The following SPAST variants were observed in gnomAD, a reference collection of about 807,000 sequenced individuals.
SPAST encodes spastic paraplegia 4 (autosomal dominant; spastin).
SPAST carries 30 observed loss-of-function variants against 76.6 expected under a neutral mutation model. The observed-to-expected ratio is 0.39, with a 90% CI of 0.29 to 0.53. The LOEUF is 0.53. SPAST is among the 20% of genes least tolerant of loss of function. SPAST has a pLI of 0.68. For synonymous variants in SPAST, 305 were observed against 281.0 expected, an observed-to-expected ratio of 1.09 and a Z score of -0.86; for missense variants, 717 against 770.5, an observed-to-expected ratio of 0.93 and a Z score of 0.82.
intron 1 of SPAST, among the ~76,000 whole-genome samples, chr2:32,066,941 T>C (rs1676535756): frequency 8.5e-6 from 1 of 117,508 alleles, no homozygotes; most frequent in Non-Finnish European, 1.6e-5. Flanking sequence ...GCAACTGCAC[T>C]CCGAACTGGG....
chr2:32,141,822 T>C, intron 12 of SPAST, 82 bp from the exon 13 acceptor site: 2 of 1,111,328 alleles, frequency 1.8e-6, no homozygotes, highest in South Asian at 2.7e-5. Flanking sequence ...AATATTATAT[T>C]TTAAAAGCTT....
chr2:32,102,963 G>A (rs1362141257), intron 4 of SPAST, among the ~76,000 whole-genome samples: 1 of 152,172 alleles, frequency 6.6e-6, no homozygotes, highest in Non-Finnish European at 1.5e-5. Context: ...TTTGGTATCA[G>A]GATGATGCTG....
chr2:32,105,680 C>G (rs1374929704), intron 4 of SPAST, among the ~76,000 whole-genome samples: 2 of 152,172 alleles, frequency 1.3e-5, no homozygotes, highest in Non-Finnish European at 2.9e-5. Context: ...CCTTCTAACA[C>G]TCAGGACCCT....
chr2:32,139,209 T>G (rs1439292689), intron 12 of SPAST, among the ~76,000 whole-genome samples: 2 of 152,192 alleles, frequency 1.3e-5, no homozygotes, highest in Non-Finnish European at 2.9e-5. Flanking sequence ...ATTGATAGTT[T>G]GATAGAAATA....
chr2:32,087,529 A>G lies in SPAST; in HGVS notation c.453A>G (p.Lys151=), dbSNP rs1339023475. The G allele has an allele frequency of 6.2e-7, 1 of 1,609,464 alleles. No homozygotes were observed. The highest frequency in any genetic ancestry group is 8.5e-7 in the Non-Finnish European group (1 of 1,176,546). ...AGCAAGCTGTGGAATGGTATAAGAA[A>G]GGTATTGAAGAACTGGAAAAAGGAA... ...QKEQAVEWYK[K]GIEELEKGIA... is the part of the protein sequence containing the mutation. Residue 151 remains lysine, a synonymous_variant, in exon 2 of 17, where the codon AAA becomes AAG. Coordinates refer to ENST00000315285, the MANE Select transcript of SPAST (RefSeq NM_014946.4).
At chr2:32,127,145 GT>G (rs754780066) in intron 8 of SPAST, 123 bp downstream of exon 8, 18 of 745,550 alleles carry the variant, frequency 2.4e-5, no homozygotes, top group African/African-American at 3.5e-5. Flanking sequence ...GTACACTTTT[GT>G]TTTTTTTGTT....
At position 32,147,345 on chromosome 2, in the gene SPAST, G is replaced by GTTTTTTTT. The variant is rs71407417; in HGVS notation, c.1728+105_1728+112dup. The GTTTTTTTT allele has an allele frequency of 3.4e-4, 55 of 162,890 alleles. 1 individual carries two copies. The highest frequency in any genetic ancestry group is 8.9e-4 in the East Asian group (5 of 5,596). The allele number at this position is 162,890 out of a possible 1,614,324, so 10.1% of individuals were successfully genotyped here. Reference sequence around the variant, plus strand: ...ACATATATGAATGTGTGTGTGTGTGGTTTTTTTTTTTTTTTTTTTTTTTTT... The same window carrying GTTTTTTTT: ...ACATATATGAATGTGTGTGTGTGTGGTTTTTTTTTTTTTTTTTTTTTTTTTTTTTTTTT... On this transcript the variant is annotated intron_variant, in intron 16 of 16. Transcript: ENST00000315285.
At chr2:32,116,301 C>A in intron 7 of SPAST, 89 bp downstream of exon 7, 1 of 828,456 alleles carries the variant, frequency 1.2e-6, no homozygotes, top group Non-Finnish European at 2.0e-6. Context: ...TTGAGCTATA[C>A]TAAAATAATT....
At position 32,075,895 on chromosome 2, in the gene SPAST, TC is replaced by T. The variant is rs1424513515; in HGVS notation, c.416-11596del. Among the ~76,000 whole-genome samples the T allele has an allele frequency of 2.5e-4, 16 of 64,410 alleles. 2 individuals carry two copies. The highest frequency in any genetic ancestry group is 1.5e-3 in the South Asian group (2 of 1,378). 42.3% of individuals were successfully genotyped at this position (64,410 alleles called of 152,430 possible). ...TTTTTTAATGAAAAATTCAAAATGC[TC>T]TTTTTTTTTTTTTTTTTTTTTTGAG... On this transcript the variant is annotated intron_variant, in intron 1 of 16. Transcript: ENST00000315285.
chr2:32,075,497 A>G (rs1338896738), intron 1 of SPAST, among the ~76,000 whole-genome samples: 8 of 138,562 alleles, frequency 5.8e-5, no homozygotes, highest in African/African-American at 7.8e-5. Flanking sequence ...AAAAAAAGAG[A>G]TGGAAGTCTC....
chr2:32,081,997 TTC>T lies in SPAST; in HGVS notation c.416-5487_416-5486del, dbSNP rs1396025256. Among the ~76,000 whole-genome samples the T allele has an allele frequency of 4.1e-5, 6 of 145,432 alleles. No homozygotes were observed. The South Asian group carries it at 6.6e-4, about 16-fold the overall frequency. ...GATGTTTTTAAAACTTTTTTTCTAG[TTC>T]TCTCTCTTTTTTTTTTTTTTTTTTT... On this transcript the variant is annotated intron_variant, in intron 1 of 16. Transcript: ENST00000315285.
intron 4 of SPAST, among the ~76,000 whole-genome samples, chr2:32,104,641 G>A (rs1678251893): frequency 6.6e-6 from 1 of 152,152 alleles, no homozygotes; most frequent in African/African-American, 2.4e-5. Flanking sequence ...CTGTAAGGCA[G>A]GCCTGGTAGT....
intron 1 of SPAST, among the ~76,000 whole-genome samples, chr2:32,074,515 T>TG (rs1676873768): frequency 6.6e-6 from 1 of 151,264 alleles, no homozygotes. Context: ...TTTTTGTTGT[T>TG]TTTTTTTTAA....
chr2:32,068,225 G>T (rs1002174721), intron 1 of SPAST, among the ~76,000 whole-genome samples: 3 of 151,830 alleles, frequency 2.0e-5, no homozygotes, highest in African/African-American at 7.3e-5. Context: ...TGATCCACCC[G>T]CCTCGGCCTC....
At chr2:32,096,399 C>T (rs965110390) in intron 3 of SPAST, among the ~76,000 whole-genome samples, 7 of 152,282 alleles carry the variant, frequency 4.6e-5, no homozygotes, top group Middle Eastern at 3.4e-3. Context: ...CGCACCACTG[C>T]GCTCCAGCCT....
At chr2:32,134,185 G>T (rs767273322) in intron 9 of SPAST, among the ~76,000 whole-genome samples, 21 of 152,130 alleles carry the variant, frequency 1.4e-4, no homozygotes, top group Non-Finnish European at 2.6e-4. Context: ...ATAGGCACAT[G>T]CCACCATGCC....
At chr2:32,125,827 C>T (rs569622446) in intron 7 of SPAST, among the ~76,000 whole-genome samples, 1 of 151,994 alleles carries the variant, frequency 6.6e-6, no homozygotes, top group African/African-American at 2.4e-5. Flanking sequence ...CGGAGTTTTG[C>T]TCTGTCGCCC....
At chr2:32,114,107 A>G (rs1292627501) in intron 4 of SPAST, among the ~76,000 whole-genome samples, 1 of 152,016 alleles carries the variant, frequency 6.6e-6, no homozygotes, top group Non-Finnish European at 1.5e-5. Context: ...TGTTTTTAAT[A>G]AGAAAATTAG....
At chr2:32,080,818 GGA>G (rs1677192110) in intron 1 of SPAST, among the ~76,000 whole-genome samples, 1 of 92,584 alleles carries the variant, frequency 1.1e-5, no homozygotes, top group Non-Finnish European at 1.9e-5. Context: ...TTTTTGAGAT[GGA>G]GTCTCACTCT....
Sources: gnomAD v4.1 joint callset for allele counts (sites outside exome capture counted in the v4.1 genomes callset) on GRCh38, gnomAD v4.1.1 for gene constraint, MANE v1.5 for transcripts, NCBI Gene and HGNC (gene_info 2026-07-23, HGNC 2026-07-21) for gene names.